Variants in ADAMTSL3 observed in about 807,000 individuals in gnomAD.
ADAMTSL3 encodes ADAMTS like 3.
A neutral mutation model predicts 201.7 loss-of-function variants in ADAMTSL3; 128 were observed. That is an observed-to-expected ratio of 0.63 (90% CI 0.55 to 0.73). ADAMTSL3 has a LOEUF of 0.73. ADAMTSL3 is among the 30% of genes least tolerant of loss of function. The pLI is 0.00. For missense variants in ADAMTSL3, 1,990 were observed against 2,119.6 expected (o/e 0.94, Z 1.20); for synonymous variants, 738 against 748.4 (o/e 0.99, Z 0.23).
intron 3 of ADAMTSL3, among the ~76,000 whole-genome samples, chr15:83,753,777 A>C (rs2062675928): frequency 6.6e-6 from 1 of 152,158 alleles, no homozygotes; most frequent in African/African-American, 2.4e-5. Context: ...GTGGTTGTAA[A>C]TGGAGAGCAA....
At chr15:83,849,078 G>C (rs556817679) in intron 7 of ADAMTSL3, among the ~76,000 whole-genome samples, 98 of 152,260 alleles carry the variant, frequency 6.4e-4, no homozygotes, top group African/African-American at 2.3e-3. Flanking sequence ...CCAGACATGA[G>C]CCTACTGTTA....
rs199806479 is a variant in ADAMTSL3 at position 84,016,491 on chromosome 15, C to T, written c.4265C>T (p.Pro1422Leu). 40 of 1,613,370 alleles carry T rather than the reference C, an allele frequency of 2.5e-5. No individual in the cohort carries two copies. The highest frequency in any genetic ancestry group is 8.9e-5 in the East Asian group (4 of 44,864). ...TNSNDPTGEP[P>L]PQEPFWEPGN... ...AGCAATGACCCAACAGGAGAACCCCCGCCTCAAGGTCTGGGATTTTGACCT... is the reference window on the plus strand; with the variant it reads ...AGCAATGACCCAACAGGAGAACCCCTGCCTCAAGGTCTGGGATTTTGACCT... Residue 1422 changes from proline to leucine, a missense_variant, in exon 25 of 30, where the codon CCG (proline) becomes CTG (leucine). Coordinates refer to ENST00000286744, the MANE Select transcript of ADAMTSL3 (RefSeq NM_207517.3).
At chr15:83,695,450 A>C (rs2061675685) in intron 2 of ADAMTSL3, among the ~76,000 whole-genome samples, 1 of 151,958 alleles carries the variant, frequency 6.6e-6, no homozygotes, top group South Asian at 2.1e-4. Flanking sequence ...ATTCTGAGTA[A>C]GGGAAGCACT....
At position 83,838,200 on chromosome 15, in the gene ADAMTSL3, G is replaced by C. The variant is rs762879059; in HGVS notation, c.712G>C (p.Val238Leu). The change falls in exon 7 of 30, where the codon GTT becomes CTT. Residue 238 changes from valine (V) to leucine (L), a missense_variant. Physicochemically the swap from Val to Leu is conservative, Grantham distance 32 (BLOSUM62 1). Coordinates refer to ENST00000286744, the MANE Select transcript of ADAMTSL3 (RefSeq NM_207517.3). ...RLVRGQSKSH[V>L]SPEKREENVI... ...TGTACGGGGACAATCAAAGTCACAC[G>C]TTTCTCCTGAAAAAAGTAGGTTTTA... 12 of 1,612,466 alleles carry C rather than the reference G, an allele frequency of 7.4e-6. No individual in the cohort carries two copies. The highest frequency in any genetic ancestry group is 1.0e-5 in the Non-Finnish European group (12 of 1,179,410).
intron 2 of ADAMTSL3, among the ~76,000 whole-genome samples, chr15:83,694,596 C>T (rs1011882046): frequency 6.6e-6 from 1 of 152,096 alleles, no homozygotes; most frequent in African/African-American, 2.4e-5. Flanking sequence ...GGGGGGCGGG[C>T]TCTAGGGAAA....
chr15:83,663,050 G>A (rs2061197394), intron 2 of ADAMTSL3, among the ~76,000 whole-genome samples: 1 of 152,168 alleles, frequency 6.6e-6, no homozygotes, highest in South Asian at 2.1e-4. Context: ...ATTGGATGGA[G>A]TGTAGGCTGG....
intron 3 of ADAMTSL3, among the ~76,000 whole-genome samples, chr15:83,768,781 T>C (rs936429018): frequency 6.6e-6 from 1 of 152,218 alleles, no homozygotes; most frequent in Non-Finnish European, 1.5e-5. Flanking sequence ...TGAATGTCTG[T>C]GTTATCATTA....
Position 83,929,680 on chromosome 15 carries a change from C to CCACACACA in ADAMTSL3, c.2117+5660_2117+5667dup, listed in dbSNP as rs147998074. Among the ~76,000 whole-genome samples, 983 of 147,538 alleles carry CCACACACA rather than the reference C, an allele frequency of 6.7e-3. 9 individuals are homozygous for CCACACACA. The highest frequency in any genetic ancestry group is 0.021 in the African/African-American group (827 of 39,562). On this transcript the variant is annotated intron_variant, in intron 17 of 29. Coordinates refer to ENST00000286744, the MANE Select transcript of ADAMTSL3 (RefSeq NM_207517.3). ...TAAACCACATCTCCTGTCACCTCTA[C>CCACACACA]CACACACACACACACACACAGAGAG...
chr15:83,706,810 T>C (rs1037902562), intron 3 of ADAMTSL3, among the ~76,000 whole-genome samples: 1 of 134,644 alleles, frequency 7.4e-6, no homozygotes, highest in Non-Finnish European at 1.6e-5. Flanking sequence ...GCATTAGGCA[T>C]GTACCACCAC....
chr15:84,000,072 G>T (rs1268818920), intron 23 of ADAMTSL3, among the ~76,000 whole-genome samples: 4 of 149,374 alleles, frequency 2.7e-5, no homozygotes, highest in Non-Finnish European at 5.9e-5. Context: ...AAAAAAAAAA[G>T]AACTATCTCT....
intron 3 of ADAMTSL3, among the ~76,000 whole-genome samples, chr15:83,770,458 G>A (rs756833083): frequency 5.3e-5 from 8 of 152,070 alleles, no homozygotes; most frequent in South Asian, 2.1e-4. Flanking sequence ...GCCTACATAC[G>A]CGTTCTTTTA....
chr15:83,893,383 T>G (rs989528241), intron 13 of ADAMTSL3, among the ~76,000 whole-genome samples: 1 of 152,082 alleles, frequency 6.6e-6, no homozygotes, highest in Non-Finnish European at 1.5e-5. Context: ...AAGGCAGTAA[T>G]GACAAGAAGT....
At chr15:83,866,153 T>G (rs1428457353) in intron 8 of ADAMTSL3, among the ~76,000 whole-genome samples, 2 of 152,250 alleles carry the variant, frequency 1.3e-5, no homozygotes, top group Non-Finnish European at 2.9e-5. Context: ...ACTTTTACAC[T>G]GTTGGTGGAA....
intron 19 of ADAMTSL3, among the ~76,000 whole-genome samples, chr15:83,958,323 G>A (rs1245895750): frequency 1.3e-5 from 2 of 152,186 alleles, no homozygotes; most frequent in African/African-American, 2.4e-5. Context: ...AACCACTAAA[G>A]GGCTTAAGAA....
intron 2 of ADAMTSL3, among the ~76,000 whole-genome samples, chr15:83,682,566 T>C (rs968499343): frequency 6.6e-6 from 1 of 152,206 alleles, no homozygotes; most frequent in Admixed American, 6.5e-5. Flanking sequence ...CACAAATGGC[T>C]GAGTAGATTG....
chr15:83,868,853 A>C (rs1041465600), intron 8 of ADAMTSL3, among the ~76,000 whole-genome samples: 1 of 152,202 alleles, frequency 6.6e-6, no homozygotes, highest in East Asian at 1.9e-4. Context: ...ATTCTGTATT[A>C]AAAACAAAGT....
At chr15:83,749,975 G>A (rs1390831443) in intron 3 of ADAMTSL3, among the ~76,000 whole-genome samples, 1 of 152,176 alleles carries the variant, frequency 6.6e-6, no homozygotes, top group African/African-American at 2.4e-5. Flanking sequence ...CTGTTCGTTT[G>A]TGTTCCTTCA....
intron 3 of ADAMTSL3, among the ~76,000 whole-genome samples, chr15:83,750,349 C>T (rs894165372): frequency 6.6e-6 from 1 of 152,172 alleles, no homozygotes; most frequent in African/African-American, 2.4e-5. Context: ...AAGAAATGAA[C>T]CAGTTTGAGC....
intron 3 of ADAMTSL3, among the ~76,000 whole-genome samples, chr15:83,705,513 C>A (rs771697384): frequency 1.1e-4 from 16 of 152,172 alleles, no homozygotes; most frequent in Non-Finnish European, 2.1e-4. Flanking sequence ...ATGGGTAGAT[C>A]CAAGATGTGA....
Sources: gnomAD v4.1 joint callset for allele counts (sites outside exome capture counted in the v4.1 genomes callset) on GRCh38, gnomAD v4.1.1 for gene constraint, MANE v1.5 for transcripts, NCBI Gene and HGNC (gene_info 2026-07-23, HGNC 2026-07-21) for gene names.